The following MAP3K20 variants were observed in gnomAD, a reference collection of about 807,000 sequenced individuals.
MAP3K20 encodes the protein HCCS-4.
MAP3K20 carries 40 observed loss-of-function variants against 85.7 expected under a neutral mutation model. That is an observed-to-expected ratio of 0.47 (90% CI 0.36 to 0.61). The LOEUF is 0.61. Among genes scored for constraint, MAP3K20 ranks in the 20% least tolerant of loss-of-function variants. MAP3K20 has a pLI of 0.00. For synonymous variants in MAP3K20, 325 were observed against 327.7 expected (o/e 0.99, Z 0.09); for missense variants, 817 against 961.7 (o/e 0.85, Z 1.99).
rs571027472 is a variant in MAP3K20, at chr2:173,200,357, G to GC, written c.669+2246dup. Among the ~76,000 whole-genome samples the GC allele has an allele frequency of 4.4e-3, 670 of 152,188 alleles. 6 individuals carry two copies. The highest frequency in any genetic ancestry group is 0.03 in the South Asian group (144 of 4,810). On this transcript the variant is annotated intron_variant, in intron 8 of 19. Transcript: ENST00000375213. ...TATTTCATTTCATAACAAAATTGAG[G>GC]CTTTGACTTAAACATAATTTACAAA...
chr2:173,224,253 G>T, intron 11 of MAP3K20: 1 of 985,222 alleles, frequency 1.0e-6, no homozygotes, highest in South Asian at 4.7e-5. Context: ...AAAGGCAAGG[G>T]GATCTTTGGG....
intron 18 of MAP3K20, 111 bp from the exon 19 acceptor site, chr2:173,263,634 G>C (rs1038248166): frequency 1.9e-6 from 2 of 1,056,476 alleles, no homozygotes; most frequent in African/African-American, 3.2e-5. Context: ...TGAAACTGAA[G>C]TGATATAATA....
At chr2:173,223,246 G>C in intron 11 of MAP3K20, 1 of 985,066 alleles carries the variant, frequency 1.0e-6, no homozygotes, top group Non-Finnish European at 1.2e-6. Flanking sequence ...ATCAGAGTCT[G>C]ACTGTCACTC....
chr2:173,164,683 T>A, intron 2 of MAP3K20, among the ~76,000 whole-genome samples: 1 of 152,214 alleles, frequency 6.6e-6, no homozygotes, highest in South Asian at 2.1e-4. Flanking sequence ...AAGTTTTGAA[T>A]TGAAGGAAAA....
At chr2:173,138,491 A>G (rs549470700) in intron 2 of MAP3K20, among the ~76,000 whole-genome samples, 3 of 152,322 alleles carry the variant, frequency 2.0e-5, no homozygotes, top group South Asian at 2.1e-4. Context: ...GTTTTCACAT[A>G]ATTGTGAAAA....
intron 11 of MAP3K20, among the ~76,000 whole-genome samples, chr2:173,227,320 T>A (rs984580304): frequency 6.7e-6 from 1 of 149,628 alleles, no homozygotes. Context: ...TGGGGTGGAT[T>A]TTTTTTTTAT....
chr2:173,097,636 A>C (rs996277119), intron 2 of MAP3K20, among the ~76,000 whole-genome samples: 1 of 152,208 alleles, frequency 6.6e-6, no homozygotes, highest in Non-Finnish European at 1.5e-5. Flanking sequence ...TAAAAGAAAA[A>C]GCATCCTACC....
chr2:173,222,608 A>T, intron 11 of MAP3K20: 2 of 985,472 alleles, frequency 2.0e-6, no homozygotes, highest in Non-Finnish European at 2.4e-6. Flanking sequence ...TTAGAGGGGC[A>T]TAATAATCCA....
Position 173,258,756 on chromosome 2 carries a change from A to G in MAP3K20, c.1417A>G (p.Ile473Val). 2.5e-6 allele frequency: 4 copies of G among 1,613,418 alleles called. No homozygotes were observed. The highest frequency in any genetic ancestry group is 3.4e-6 in the Non-Finnish European group (4 of 1,179,492). Residue 473 changes from isoleucine (I) to valine (V), a missense_variant, in exon 17 of 20, where the codon ATA becomes GTA. Physicochemically the swap from Ile to Val is conservative, Grantham distance 29 (BLOSUM62 3). Transcript: ENST00000375213. ...MDGDEIAITY[I>V]KDVTFNTNLP... ...TGGGGATGAAATTGCAATAACCTACATAAAAGATGTGACATTCAACACTAA... is the reference window on the plus strand; with the variant it reads ...TGGGGATGAAATTGCAATAACCTACGTAAAAGATGTGACATTCAACACTAA...
chr2:173,264,492 A>C (rs1277821428), intron 19 of MAP3K20, among the ~76,000 whole-genome samples: 1 of 152,170 alleles, frequency 6.6e-6, no homozygotes, highest in Admixed American at 6.5e-5. Flanking sequence ...TATATATAGG[A>C]GTAAGGAAAA....
intron 16 of MAP3K20, among the ~76,000 whole-genome samples, chr2:173,246,606 G>A (rs772881341): frequency 2.6e-5 from 4 of 152,098 alleles, no homozygotes; most frequent in Non-Finnish European, 4.4e-5. Flanking sequence ...TTGAGACTTC[G>A]TGTGTCATAA....
At chr2:173,179,754 C>T (rs1690271857) in intron 3 of MAP3K20, among the ~76,000 whole-genome samples, 1 of 149,110 alleles carries the variant, frequency 6.7e-6, no homozygotes, top group African/African-American at 2.5e-5. Flanking sequence ...GCTACTAAAA[C>T]TAACAAACAT....
chr2:173,151,604 A>G (rs1689309939), intron 2 of MAP3K20, among the ~76,000 whole-genome samples: 1 of 152,212 alleles, frequency 6.6e-6, no homozygotes, highest in Non-Finnish European at 1.5e-5. Flanking sequence ...GTTTATTTAT[A>G]TGTAACATTA....
chr2:173,218,998 CT>C (rs951466685), intron 11 of MAP3K20, among the ~76,000 whole-genome samples: 1 of 152,114 alleles, frequency 6.6e-6, no homozygotes, highest in Non-Finnish European at 1.5e-5. Context: ...AGATTTTCTT[CT>C]TTTTTCCTTA....
intron 11 of MAP3K20, among the ~76,000 whole-genome samples, chr2:173,227,926 C>A (rs572565795): frequency 3.9e-4 from 59 of 152,258 alleles, no homozygotes; most frequent in African/African-American, 1.3e-3. Flanking sequence ...CAGCTGTGTC[C>A]AGCTGCCCTG....
chr2:173,226,431 G>T (rs986424610), intron 11 of MAP3K20: 1 of 985,362 alleles, frequency 1.0e-6, no homozygotes, highest in Non-Finnish European at 1.2e-6. Context: ...CTATAATCAG[G>T]CACCTTTTGC....
At chr2:173,180,785 A>G (rs1690302446) in intron 3 of MAP3K20, among the ~76,000 whole-genome samples, 2 of 152,186 alleles carry the variant, frequency 1.3e-5, no homozygotes, top group Non-Finnish European at 2.9e-5. Context: ...GGGTTAAACT[A>G]TAAACTCTCA....
chr2:173,082,525 C>T (rs914892271), intron 1 of MAP3K20, among the ~76,000 whole-genome samples: 5 of 152,132 alleles, frequency 3.3e-5, no homozygotes, highest in East Asian at 1.9e-4. Context: ...TGACAGAAAA[C>T]GATTTGGGGT....
At chr2:173,206,674 T>G (rs1683696928) in intron 9 of MAP3K20, among the ~76,000 whole-genome samples, 1 of 152,200 alleles carries the variant, frequency 6.6e-6, no homozygotes, top group Non-Finnish European at 1.5e-5. Context: ...CTGGTACAGC[T>G]GTATTTTTAA....
Sources: gnomAD v4.1 joint callset for allele counts (sites outside exome capture counted in the v4.1 genomes callset) on GRCh38, gnomAD v4.1.1 for gene constraint, MANE v1.5 for transcripts, NCBI Gene and HGNC (gene_info 2026-07-23, HGNC 2026-07-21) for gene names.